Variants in IFI16 observed in about 807,000 individuals in gnomAD.
IFI16 encodes interferon gamma inducible protein 16, also known as gamma-interferon-inducible protein 16.
IFI16 carries 49 observed loss-of-function variants against 68.4 expected under a neutral mutation model. The ratio of observed to expected loss-of-function variants is 0.72; its 90% CI spans 0.57 to 0.91. IFI16 has a LOEUF of 0.91. Among genes scored for constraint, IFI16 ranks in the 40% least tolerant of loss-of-function variants. The pLI, the probability that IFI16 is intolerant of heterozygous loss-of-function variation, is 0.00. For synonymous variants in IFI16, 307 were observed against 315.0 expected, an observed-to-expected ratio of 0.97 and a Z score of 0.27; for missense variants, 878 against 942.9, an observed-to-expected ratio of 0.93 and a Z score of 0.90.
At chr1:159,016,729 TG>T (rs1652957316) in intron 4 of IFI16, 29 bp downstream of exon 4, 24 of 1,587,204 alleles carry the variant, frequency 1.5e-5, no homozygotes, top group Non-Finnish European at 2.1e-5. Flanking sequence ...CATTTTGCTT[TG>T]TTTTTTTCAA....
chr1:159,052,815 C>T (rs144790475), intron 10 of IFI16: 2 of 151,962 alleles, frequency 1.3e-5, no homozygotes, highest in Non-Finnish European at 2.9e-5. Flanking sequence ...CTTTCAGTCT[C>T]TACACATCAT....
chr1:159,005,236 A>G (rs899887122), upstream of IFI16, among the ~76,000 whole-genome samples: 1 of 152,202 alleles, frequency 6.6e-6, no homozygotes, highest in African/African-American at 2.4e-5. Context: ...TACCCAGTCT[A>G]TAGTATTCCA....
At chr1:159,016,885 C>T (rs1652966867) in intron 4 of IFI16, among the ~76,000 whole-genome samples, 185 bp downstream of exon 4, 2 of 152,248 alleles carry the variant, frequency 1.3e-5, no homozygotes, top group South Asian at 4.1e-4. Flanking sequence ...TTATCTCTGA[C>T]TGCAGGAAGT....
In IFI16 at chr1:159,049,533, A is replaced by C; in HGVS notation, c.1599A>C (p.Pro533=). The change falls in exon 9 of 12, where the codon CCA becomes CCC. Residue 533 remains proline (P), a synonymous_variant. Coordinates refer to ENST00000295809, the MANE Select transcript of IFI16 (RefSeq NM_001376587.1). ...GACCGTTCATGACCAGCATAGGCCC[A>C]GCTGAGAGCCATCCCCACACTCCTC... is the stretch of plus-strand genomic sequence containing the variant. The part of the protein sequence containing the change: ...FPGPFMTSIG[P]AESHPHTPQM... 6.2e-7 allele frequency: 1 copy of C among 1,605,588 alleles called. No individual in the cohort carries two copies. The highest frequency in any genetic ancestry group is 8.5e-7 in the Non-Finnish European group (1 of 1,175,934).
chr1:159,004,304 T>C (rs1487036314), upstream of IFI16, among the ~76,000 whole-genome samples: 1 of 151,314 alleles, frequency 6.6e-6, no homozygotes, highest in Non-Finnish European at 1.5e-5. Context: ...CAAGACCTTA[T>C]CTCCAAAAGA....
chr1:159,027,917 T>A (rs1653771074), intron 6 of IFI16, among the ~76,000 whole-genome samples: 2 of 152,168 alleles, frequency 1.3e-5, no homozygotes, highest in South Asian at 4.1e-4. Context: ...CTTTGATAAT[T>A]TCACTAACGG....
chr1:159,030,467 AT>A (rs58280758), intron 6 of IFI16, among the ~76,000 whole-genome samples: 5 of 151,784 alleles, frequency 3.3e-5, no homozygotes, highest in Non-Finnish European at 7.4e-5. Flanking sequence ...TGCTGTTAGG[AT>A]TTTTTTTGTC....
At chr1:159,051,646 A>T (rs1409094979) in intron 9 of IFI16, 33 bp from the exon 10 acceptor site, 4 of 1,557,334 alleles carry the variant, frequency 2.6e-6, no homozygotes, top group South Asian at 1.2e-5. Flanking sequence ...TCCTGTTTTA[A>T]TTGTGCCTAT....
In IFI16 at chr1:159,016,548, A is replaced by G; in HGVS notation, c.397A>G (p.Thr133Ala). 1 of 1,601,252 alleles carries G rather than the reference A, an allele frequency of 6.2e-7. No homozygotes were observed. The highest frequency in any genetic ancestry group is 8.5e-7 in the Non-Finnish European group (1 of 1,176,754). Residue 133 changes from threonine (T) to alanine (A), a missense_variant, in exon 4 of 12, where the codon ACC (threonine) becomes GCC (alanine). Transcript: ENST00000295809. ...CCACTTTCAGAAAAGAAAAAAATCA[A>G]CCAAAGAAAAGGCTGGACCCAAAGG... ...TPGAQKRKKS[T>A]KEKAGPKGSK... is the part of the protein sequence containing the mutation.
chr1:159,027,660 G>A (rs753180515), intron 6 of IFI16, among the ~76,000 whole-genome samples: 15 of 152,038 alleles, frequency 9.9e-5, no homozygotes, highest in Non-Finnish European at 1.8e-4. Context: ...ATCTGGTCCT[G>A]GGCTTTTCTT....
At position 159,051,669 on chromosome 1, in the gene IFI16, A is replaced by G; in HGVS notation, c.1666-10A>G. ...TAATTGTGCCTATGTTTTGGTCTCT[A>G]CCTTCTAAGTTGAAACCAAGACTGA... On this transcript the variant is annotated splice_polypyrimidine_tract_variant and intron_variant, in intron 9 of 11. Coordinates refer to ENST00000295809, the MANE Select transcript of IFI16 (RefSeq NM_001376587.1). 6.2e-7 allele frequency: 1 copy of G among 1,602,472 alleles called. No individual in the cohort carries two copies. Among genetic ancestry groups the G allele is most frequent in the African/African-American group, 1.3e-5 (1 of 74,410 alleles).
intron 7 of IFI16, among the ~76,000 whole-genome samples, chr1:159,041,016 A>G (rs1654601915): frequency 6.6e-6 from 1 of 152,166 alleles, no homozygotes. Context: ...CCTTTCAGTG[A>G]TGGAGGAGGT....
intron 8 of IFI16, among the ~76,000 whole-genome samples, chr1:159,048,067 C>T (rs1655104285): frequency 6.7e-6 from 1 of 148,622 alleles, no homozygotes; most frequent in Admixed American, 6.8e-5. Context: ...TACATTGCTA[C>T]ACATGGCAGA....
chr1:159,040,958 A>G (rs1654597579), intron 7 of IFI16, among the ~76,000 whole-genome samples: 1 of 152,202 alleles, frequency 6.6e-6, no homozygotes, highest in Non-Finnish European at 1.5e-5. Context: ...AACATTTCAG[A>G]ATAGACAGTG....
In IFI16 at chr1:159,051,967, G is replaced by T; in HGVS notation, c.1954G>T (p.Asp652Tyr). 1 of 1,614,092 alleles carries T rather than the reference G, an allele frequency of 6.2e-7. No homozygotes were observed. The highest frequency in any genetic ancestry group is 2.2e-5 in the East Asian group (1 of 44,886). The change falls in exon 10 of 12, where the codon GAT becomes TAT. Residue 652 changes from aspartate (D) to tyrosine (Y), a missense_variant. Asp to Tyr is a radical substitution (Grantham distance 160). Transcript: ENST00000295809. Reference sequence around the variant, plus strand: ...GGTATATCCTTTCACACTTGTGGCTGATGTGAATGCTGACCGAAACATGGA... The same window carrying T: ...GGTATATCCTTTCACACTTGTGGCTTATGTGAATGCTGACCGAAACATGGA... ...LEVYPFTLVA[D>Y]VNADRNMEIP...
At chr1:159,047,587 G>C (rs866412570) in intron 8 of IFI16, among the ~76,000 whole-genome samples, 3 of 150,994 alleles carry the variant, frequency 2.0e-5, no homozygotes, top group Non-Finnish European at 4.4e-5. Context: ...CTGCTGCTCT[G>C]AAAGCTCAGG....
chr1:159,005,167 C>G (rs576589382), upstream of IFI16, among the ~76,000 whole-genome samples: 1 of 152,288 alleles, frequency 6.6e-6, no homozygotes, highest in East Asian at 1.9e-4. Flanking sequence ...GATACTGATG[C>G]TTGACCTTGG....
intron 6 of IFI16, among the ~76,000 whole-genome samples, chr1:159,030,207 AT>A (rs1221397013): frequency 6.6e-6 from 1 of 151,368 alleles, no homozygotes; most frequent in Admixed American, 6.6e-5. Flanking sequence ...ATCCTGTAAC[AT>A]TTTTTAAATT....
At chr1:159,053,275 G>C (rs750265423) in intron 10 of IFI16, 1 of 306,264 alleles carries the variant, frequency 3.3e-6, no homozygotes, top group East Asian at 5.8e-5. Context: ...GAAACAGGAA[G>C]AATTAGGAAA....
Sources: gnomAD v4.1 joint callset for allele counts (sites outside exome capture counted in the v4.1 genomes callset) on GRCh38, gnomAD v4.1.1 for gene constraint, MANE v1.5 for transcripts, NCBI Gene and HGNC (gene_info 2026-07-23, HGNC 2026-07-21) for gene names.